The following DMD variants were observed in gnomAD, a reference collection of about 807,000 sequenced individuals.
DMD encodes the protein dystrophin.
In DMD, 63 loss-of-function variants were observed where a neutral mutation model predicts 330.1. The observed-to-expected ratio is 0.19, with a 90% CI of 0.16 to 0.24. The LOEUF (loss-of-function observed/expected upper bound fraction) is 0.24. Among genes scored for constraint, DMD ranks in the 10% least tolerant of loss-of-function variants. DMD has a pLI of 1.00. For missense variants in DMD, 3,344 were observed against 2,684.1 expected, an observed-to-expected ratio of 1.25 and a Z score of -5.43; for synonymous variants, 1,223 against 959.8, an observed-to-expected ratio of 1.27 and a Z score of -5.07.
chrX:31,601,501 C>T (rs1157522410), intron 55 of DMD, among the ~76,000 whole-genome samples: 5 of 111,184 alleles, frequency 4.5e-5, no homozygotes, highest in African/African-American at 1.6e-4. Flanking sequence ...TGTGAAGAGA[C>T]GGGAAGCATA....
chrX:31,693,059 T>C lies in DMD; in HGVS notation c.7661-13473A>G, dbSNP rs149054652. On this transcript the variant is annotated intron_variant, in intron 52 of 78. Coordinates refer to ENST00000357033, the MANE Select transcript of DMD (RefSeq NM_004006.3). Reference sequence around the variant, plus strand: ...CTAGTGAACCATATTTAATAGTTTATTAGAAGGATTATTCACCATGACCAA... The same window carrying C: ...CTAGTGAACCATATTTAATAGTTTACTAGAAGGATTATTCACCATGACCAA... Among the ~76,000 whole-genome samples, 837 of 111,915 alleles carry C rather than the reference T, an allele frequency of 7.5e-3. 3 individuals carry two copies. The highest frequency in any genetic ancestry group is 0.012 in the Non-Finnish European group (629 of 53,046).
intron 57 of DMD, among the ~76,000 whole-genome samples, chrX:31,480,368 G>C (rs1448490325): frequency 1.8e-5 from 2 of 111,628 alleles, no homozygotes; most frequent in Non-Finnish European, 3.8e-5. Context: ...TAGAGAAAGG[G>C]AAGGCGTTTG....
chrX:32,992,248 C>T, intron 2 of DMD, among the ~76,000 whole-genome samples: 1 of 111,782 alleles, frequency 8.9e-6, no homozygotes, highest in African/African-American at 3.2e-5. Flanking sequence ...AGCAGTGATG[C>T]AAATGAATTT....
intron 2 of DMD, among the ~76,000 whole-genome samples, chrX:33,010,424 A>G (rs201748692): frequency 9.2e-6 from 1 of 109,158 alleles, no homozygotes; most frequent in East Asian, 2.9e-4. Flanking sequence ...TCAAATCCAA[A>G]AATCCCAAAT....
chrX:33,233,115 CAG>C (rs1398705658), intron 1 of DMD, among the ~76,000 whole-genome samples: 2 of 111,505 alleles, frequency 1.8e-5, no homozygotes, highest in Non-Finnish European at 3.8e-5. Context: ...TATGAGGTAA[CAG>C]ATTCATTAAC....
chrX:31,866,708 T>C (rs143077057), intron 48 of DMD, among the ~76,000 whole-genome samples: 1,549 of 111,741 alleles, frequency 0.014, 30 homozygotes, highest in African/African-American at 0.047. Flanking sequence ...CCAGAAACAT[T>C]AGGGGTAAAG....
At chrX:32,957,024 G>A (rs986966373) in intron 2 of DMD, among the ~76,000 whole-genome samples, 3 of 111,302 alleles carry the variant, frequency 2.7e-5, no homozygotes, top group Admixed American at 9.6e-5. Flanking sequence ...CAGCTAATAC[G>A]TCCCTAAAAT....
At position 31,206,465 on chromosome X, in the gene DMD, C is replaced by G. The variant is rs1602693610; in HGVS notation, c.9649+117G>C. Reference sequence around the variant, plus strand: ...ATTTTATGACACTCTAAAAGCAGTTCTACATCTTACATGAGGAATCTGCTG... The same window carrying G: ...ATTTTATGACACTCTAAAAGCAGTTGTACATCTTACATGAGGAATCTGCTG... On this transcript the variant is annotated intron_variant, in intron 66 of 78. Coordinates refer to ENST00000357033, the MANE Select transcript of DMD (RefSeq NM_004006.3). 5 of 669,911 alleles carry G rather than the reference C, an allele frequency of 7.5e-6. No individual in the cohort carries two copies. The East Asian group carries it at 1.8e-4, about 24-fold the overall frequency. 55.2% of individuals were successfully genotyped at this position (669,911 alleles called of 1,213,427 possible). A position where few individuals can be genotyped will look rare whatever the true frequency, so the allele number is the denominator to read the frequency against.
chrX:31,756,423 T>A (rs140132284), intron 51 of DMD, among the ~76,000 whole-genome samples: 2 of 110,596 alleles, frequency 1.8e-5, no homozygotes, highest in East Asian at 5.7e-4. Flanking sequence ...GTTTATTATG[T>A]TTCCACGTAT....
intron 15 of DMD, among the ~76,000 whole-genome samples, chrX:32,567,826 G>T (rs777633453): frequency 2.3e-4 from 26 of 111,924 alleles, no homozygotes; most frequent in African/African-American, 7.5e-4. Context: ...AGCCATATTT[G>T]AATTTCAATG....
chrX:31,362,943 C>T (rs925354304), intron 60 of DMD, among the ~76,000 whole-genome samples: 15 of 112,108 alleles, frequency 1.3e-4, no homozygotes, highest in African/African-American at 3.2e-5. Flanking sequence ...GAGTGAGACA[C>T]CGTCTCAAAA....
chrX:32,976,337 G>C (rs761882948), intron 2 of DMD, among the ~76,000 whole-genome samples: 1 of 111,431 alleles, frequency 9.0e-6, no homozygotes, highest in Non-Finnish European at 1.9e-5. Flanking sequence ...GGATGGAAAG[G>C]TGCTCTAAGG....
intron 44 of DMD, among the ~76,000 whole-genome samples, chrX:32,009,091 T>C (rs1032468866): frequency 1.1e-4 from 12 of 111,419 alleles, no homozygotes; most frequent in Non-Finnish European, 2.3e-4. Flanking sequence ...AATCCTATAT[T>C]CAAACATGAT....
chrX:31,621,557 G>C (rs774412480), intron 55 of DMD, among the ~76,000 whole-genome samples: 1 of 111,756 alleles, frequency 8.9e-6, no homozygotes, highest in Admixed American at 9.5e-5. Context: ...TGAGCCCTTC[G>C]AGTCCAATAG....
intron 52 of DMD, among the ~76,000 whole-genome samples, chrX:31,722,019 T>G (rs911660346): frequency 6.3e-5 from 7 of 110,518 alleles, no homozygotes; most frequent in Non-Finnish European, 1.1e-4. Context: ...AACAATCCTG[T>G]TTTGCTAAAG....
chrX:31,661,290 C>A (rs1163892644), intron 53 of DMD, among the ~76,000 whole-genome samples: 1 of 111,894 alleles, frequency 8.9e-6, no homozygotes, highest in African/African-American at 3.3e-5. Context: ...AAGTAAAACT[C>A]CCACTGACCT....
intron 13 of DMD, among the ~76,000 whole-genome samples, chrX:32,574,186 T>G (rs1188197115): frequency 8.9e-6 from 1 of 111,756 alleles, no homozygotes; most frequent in African/African-American, 3.3e-5. Context: ...TGTATTTTCC[T>G]TAGGTTTGAA....
At chrX:31,531,949 G>C (rs2073875039) in intron 55 of DMD, among the ~76,000 whole-genome samples, 1 of 84,213 alleles carries the variant, frequency 1.2e-5, no homozygotes, top group Non-Finnish European at 2.2e-5. Context: ...AGAATAAAAA[G>C]AAATGAGCAA....
At chrX:31,293,848 G>T (rs186488154) in intron 62 of DMD, among the ~76,000 whole-genome samples, 1 of 111,242 alleles carries the variant, frequency 9.0e-6, no homozygotes, top group African/African-American at 3.3e-5. Context: ...ATGGTTAAAC[G>T]AGCAAGCTAA....
Sources: gnomAD v4.1 joint callset for allele counts (sites outside exome capture counted in the v4.1 genomes callset) on GRCh38, gnomAD v4.1.1 for gene constraint, MANE v1.5 for transcripts, NCBI Gene and HGNC (gene_info 2026-07-23, HGNC 2026-07-21) for gene names.